Variants in LYST observed in about 807,000 individuals in gnomAD.
LYST encodes the protein lysosomal trafficking regulator, also known as lysosomal-trafficking regulator.
Under a neutral mutation model 413.6 loss-of-function variants are expected in LYST, and 192 were observed. That is an observed-to-expected ratio of 0.46 (90% CI 0.41 to 0.52). LYST has a LOEUF of 0.52. Ranked by LOEUF, LYST falls within the 20% of genes least tolerant of loss-of-function variation. LYST has a pLI of 0.00. For missense variants in LYST, 3,815 were observed against 4,499.9 expected, an observed-to-expected ratio of 0.85 and a Z score of 4.35; for synonymous variants, 1,525 against 1,567.3, an observed-to-expected ratio of 0.97 and a Z score of 0.64.
upstream of LYST, among the ~76,000 whole-genome samples, chr1:235,868,624 A>C (rs957836506): frequency 1.3e-5 from 2 of 152,338 alleles, no homozygotes; most frequent in South Asian, 2.1e-4. Context: ...TGGCCCTCAA[A>C]GTATTATTTG....
intron 3 of LYST, chr1:235,828,152 T>C: frequency 2.1e-6 from 2 of 966,626 alleles, no homozygotes; most frequent in Non-Finnish European, 2.5e-6. Context: ...GCTGCTGTTA[T>C]GACATGAATT....
At chr1:235,797,572 A>AAAT (rs915503142) in intron 10 of LYST, among the ~76,000 whole-genome samples, 67 of 152,228 alleles carry the variant, frequency 4.4e-4, no homozygotes, top group African/African-American at 1.6e-3. Flanking sequence ...TTCACACGCA[A>AAAT]AATAATAATA....
intron 19 of LYST, among the ~76,000 whole-genome samples, chr1:235,773,624 G>T (rs1668931180): frequency 6.6e-6 from 1 of 152,090 alleles, no homozygotes; most frequent in South Asian, 2.1e-4. Flanking sequence ...GGTTTCCAGG[G>T]GCTAGAGAAA....
intron 1 of LYST, among the ~76,000 whole-genome samples, chr1:235,838,814 A>C (rs1676855567): frequency 6.6e-6 from 1 of 152,160 alleles, no homozygotes; most frequent in South Asian, 2.1e-4. Flanking sequence ...TCTCACTTGT[A>C]CCCTTCTTAG....
chr1:235,702,735 C>G lies in LYST; in HGVS notation c.10374+12G>C. On this transcript the variant is annotated intron_variant, in intron 45 of 52. Transcript: ENST00000389793. ...GGTTTTGCTGCACTCGATTGAAATC[C>G]AAATGACATACCGGATAGGTGATTT... 1 of 1,610,432 alleles carries G rather than the reference C, an allele frequency of 6.2e-7. No individual in the cohort carries two copies. Among genetic ancestry groups the G allele is most frequent in the Non-Finnish European group, 8.5e-7 (1 of 1,176,630 alleles).
intron 32 of LYST, among the ~76,000 whole-genome samples, chr1:235,734,173 C>T (rs926854575): frequency 7.9e-5 from 12 of 151,920 alleles, no homozygotes; most frequent in Non-Finnish European, 1.8e-4. Context: ...TGCTTGCCTC[C>T]TTACTCTGCT....
chr1:235,741,328 G>A (rs1665380278), intron 31 of LYST, 94 bp downstream of exon 31: 1 of 1,057,830 alleles, frequency 9.5e-7, no homozygotes, highest in African/African-American at 1.6e-5. Context: ...TATAAATTAG[G>A]CATGAACATT....
intron 10 of LYST, among the ~76,000 whole-genome samples, chr1:235,797,943 C>T (rs2799443): frequency 8.6e-4 from 131 of 152,146 alleles, no homozygotes; most frequent in Non-Finnish European, 1.4e-3. Flanking sequence ...AGAAACAACC[C>T]AATTCAAACA....
At chr1:235,720,933 C>G (rs1485979922) in intron 39 of LYST, 28 bp from the exon 40 acceptor site, 17 of 1,609,194 alleles carry the variant, frequency 1.1e-5, no homozygotes, top group Non-Finnish European at 1.4e-5. Flanking sequence ...GAAAAAAACC[C>G]AGATATTATT....
intron 44 of LYST, among the ~76,000 whole-genome samples, chr1:235,704,436 G>A (rs1661796432): frequency 6.6e-6 from 1 of 152,014 alleles, no homozygotes; most frequent in African/African-American, 2.4e-5. Flanking sequence ...TGACTTTTTA[G>A]TAATAACCAT....
At chr1:235,828,659 C>T (rs1321991602) in intron 3 of LYST, 6 of 483,862 alleles carry the variant, frequency 1.2e-5, no homozygotes, top group South Asian at 9.0e-5. Flanking sequence ...AGTCATTCCT[C>T]GATATTTACT....
At chr1:235,845,556 T>C (rs1447942970) in intron 1 of LYST, among the ~76,000 whole-genome samples, 2 of 152,144 alleles carry the variant, frequency 1.3e-5, no homozygotes, top group Admixed American at 6.5e-5. Context: ...CTAAAGCCCT[T>C]TTCTTTCGTA....
At chr1:235,803,170 G>T in intron 7 of LYST, 106 bp from the exon 8 acceptor site, 1 of 907,514 alleles carries the variant, frequency 1.1e-6, no homozygotes, top group Non-Finnish European at 1.7e-6. Flanking sequence ...TTTTCTTGAA[G>T]AAAAAAACTT....
chr1:235,857,740 AATACACAC>A (rs1355665454), intron 1 of LYST, among the ~76,000 whole-genome samples: 1 of 86,824 alleles, frequency 1.2e-5, no homozygotes, highest in East Asian at 4.6e-4. Context: ...AACATATGTA[AATACACAC>A]ACACACACAC....
At chr1:235,676,919 T>G (rs910379515) in intron 50 of LYST, among the ~76,000 whole-genome samples, 172 bp downstream of exon 50, 12 of 152,238 alleles carry the variant, frequency 7.9e-5, no homozygotes, top group African/African-American at 2.9e-4. Flanking sequence ...GAGGCCTAAA[T>G]TGATGCACTC....
chr1:235,877,974 T>A (rs1215656591), intron 1 of LYST, among the ~76,000 whole-genome samples: 2 of 152,008 alleles, frequency 1.3e-5, no homozygotes, highest in East Asian at 3.9e-4. Flanking sequence ...AGGGTGTTAC[T>A]AGATTCTAGA....
Position 235,791,909 on chromosome 1 carries a change from G to A in LYST, c.4333C>T (p.His1445Tyr), listed in dbSNP as rs1299886136. 7 of 1,614,066 alleles carry A rather than the reference G, an allele frequency of 4.3e-6. No individual in the cohort carries two copies. Among genetic ancestry groups the A allele is most frequent in the Non-Finnish European group, 5.9e-6 (7 of 1,179,944 alleles). Residue 1445 changes from histidine to tyrosine, a missense_variant, in exon 12 of 53, where the codon CAT becomes TAT. Physicochemically the swap from His to Tyr is moderately conservative, Grantham distance 83. Around this residue, in one of 4 missense-constraint regions of LYST, gnomAD observed 1,648 missense variants for 1,810.3 expected, o/e 0.91. Transcript: ENST00000389793. ...KKEADRESFP[H>Y]RLLSSWHIAP... ...ATGTGCCAAGATGAAAGCAGCCGAT[G>A]GGGAAAACTCTCTCTATCAGCCTCT...
intron 10 of LYST, 69 bp downstream of exon 10, chr1:235,800,251 G>A: frequency 1.9e-6 from 2 of 1,069,732 alleles, no homozygotes; most frequent in South Asian, 2.5e-5. Flanking sequence ...CACCTGGCCA[G>A]AAGCCATTAT....
chr1:235,685,858 A>AC (rs201774077), intron 48 of LYST, among the ~76,000 whole-genome samples: 1,306 of 129,536 alleles, frequency 0.01, 11 homozygotes, highest in African/African-American at 0.053. Flanking sequence ...AACAAAACAA[A>AC]AAAAAAAAAA....
Sources: gnomAD v4.1 joint callset for allele counts (sites outside exome capture counted in the v4.1 genomes callset) on GRCh38, gnomAD v4.1.1 for gene constraint, gnomAD v4.1.1 regional missense constraint, MANE v1.5 for transcripts, NCBI Gene and HGNC (gene_info 2026-07-23, HGNC 2026-07-21) for gene names.